SPAG16: variants seen among roughly 807,000 people sequenced by gnomAD.
SPAG16 encodes the protein sperm associated antigen 16.
A neutral mutation model predicts 80.4 loss-of-function variants in SPAG16; 86 were observed. That is an observed-to-expected ratio of 1.07 (90% CI 0.90 to 1.28). SPAG16 has a LOEUF of 1.28. Among genes scored for constraint, SPAG16 ranks in the 50% most tolerant of loss-of-function variants. The pLI, the probability that SPAG16 is intolerant of heterozygous loss-of-function variation, is 0.00. For synonymous variants in SPAG16, 294 were observed against 265.9 expected (o/e 1.11, Z -1.03); for missense variants, 870 against 765.3 (o/e 1.14, Z -1.61).
chr2:214,233,347 G>C (rs1688839367), intron 15 of SPAG16, among the ~76,000 whole-genome samples: 1 of 134,068 alleles, frequency 7.5e-6, no homozygotes, highest in Admixed American at 7.1e-5. Flanking sequence ...AGATAATAAT[G>C]ATGATGATGA....
intron 9 of SPAG16, among the ~76,000 whole-genome samples, chr2:213,415,523 G>T (rs188054547): frequency 2.6e-5 from 4 of 152,324 alleles, no homozygotes; most frequent in Admixed American, 1.3e-4. Flanking sequence ...GCACAGGTTG[G>T]CTAAGAAAGT....
chr2:213,826,008 A>G (rs535393504), intron 10 of SPAG16, among the ~76,000 whole-genome samples: 2 of 151,738 alleles, frequency 1.3e-5, no homozygotes, highest in African/African-American at 2.4e-5. Context: ...CTAGGAACTT[A>G]TCCATTTCTT....
At chr2:213,349,890 C>G (rs962400558) in intron 6 of SPAG16, among the ~76,000 whole-genome samples, 11 of 152,122 alleles carry the variant, frequency 7.2e-5, no homozygotes, top group Non-Finnish European at 8.8e-5. Flanking sequence ...ATGTATACTA[C>G]TTGGGTGTGC....
chr2:214,273,110 A>G (rs539480232), intron 15 of SPAG16, among the ~76,000 whole-genome samples: 2 of 152,270 alleles, frequency 1.3e-5, no homozygotes, highest in East Asian at 1.9e-4. Flanking sequence ...GTGTTTGTTC[A>G]TATCCTTTGC....
At chr2:214,284,846 T>C (rs1328458874) in intron 15 of SPAG16, among the ~76,000 whole-genome samples, 4 of 152,016 alleles carry the variant, frequency 2.6e-5, no homozygotes, top group Admixed American at 6.6e-5. Context: ...TATGTATTTG[T>C]GTGTAACCAC....
intron 13 of SPAG16, among the ~76,000 whole-genome samples, chr2:214,022,636 G>A (rs74354521): frequency 0.053 from 8,105 of 151,874 alleles, 333 homozygotes; most frequent in Non-Finnish European, 0.074. Context: ...CACAATGGTT[G>A]GATAATAGGT....
At chr2:213,998,083 C>T (rs1428326469) in intron 12 of SPAG16, among the ~76,000 whole-genome samples, 1 of 152,124 alleles carries the variant, frequency 6.6e-6, no homozygotes, top group Non-Finnish European at 1.5e-5. Flanking sequence ...AATTATTGTG[C>T]CCTTTTTGTT....
chr2:213,829,516 GT>G (rs1294817511), intron 10 of SPAG16, among the ~76,000 whole-genome samples: 9 of 152,194 alleles, frequency 5.9e-5, no homozygotes, highest in African/African-American at 2.2e-4. Flanking sequence ...AGTACCTAAG[GT>G]GTAAGTCAAA....
At chr2:214,250,788 A>AGAGAGAGAGT (rs1358000959) in intron 15 of SPAG16, among the ~76,000 whole-genome samples, 1 of 144,278 alleles carries the variant, frequency 6.9e-6, no homozygotes, top group South Asian at 2.1e-4. Context: ...AGAGAGAGAG[A>AGAGAGAGAGT]GTCAAACTTT....
intron 15 of SPAG16, among the ~76,000 whole-genome samples, chr2:214,286,663 C>T (rs1281702307): frequency 6.6e-6 from 1 of 152,202 alleles, no homozygotes; most frequent in Non-Finnish European, 1.5e-5. Flanking sequence ...ACAAGAATCA[C>T]TTGAACCCAA....
chr2:213,929,937 T>C lies in SPAG16; in HGVS notation c.1215-23T>C, dbSNP rs755186401. On this transcript the variant is annotated intron_variant, in intron 11 of 15. Transcript: ENST00000331683. The stretch of plus-strand genomic sequence containing the variant: ...ATTATGTTACTTTTTAAACAAGCTG[T>C]CTTTTTATGTTTTTGCAAATAGTGG... 3 of 1,594,748 alleles carry C rather than the reference T, an allele frequency of 1.9e-6. No homozygotes were observed. The Admixed American group carries it at 5.3e-5, about 28-fold the overall frequency.
chr2:213,808,876 C>T (rs1263928552), intron 10 of SPAG16, among the ~76,000 whole-genome samples: 1 of 152,096 alleles, frequency 6.6e-6, no homozygotes, highest in African/African-American at 2.4e-5. Flanking sequence ...TGGCTCTTGT[C>T]AGGCCCCATG....
chr2:213,836,727 T>C (rs2074107251), intron 10 of SPAG16, among the ~76,000 whole-genome samples: 1 of 152,162 alleles, frequency 6.6e-6, no homozygotes, highest in Non-Finnish European at 1.5e-5. Flanking sequence ...TTCTCCTGCC[T>C]CAGCACCCAC....
chr2:213,806,318 G>T (rs2071766911), intron 10 of SPAG16, among the ~76,000 whole-genome samples: 1 of 152,160 alleles, frequency 6.6e-6, no homozygotes. Flanking sequence ...TCTGCCACCA[G>T]ATGGCAGAAG....
chr2:213,477,819 G>C (rs1362882897), intron 9 of SPAG16, among the ~76,000 whole-genome samples: 2 of 152,124 alleles, frequency 1.3e-5, no homozygotes, highest in Non-Finnish European at 2.9e-5. Flanking sequence ...AGGTATCATT[G>C]GTTTTGAAAT....
chr2:213,869,283 A>G (rs200322773), intron 11 of SPAG16, among the ~76,000 whole-genome samples: 1 of 29,300 alleles, frequency 3.4e-5, no homozygotes, highest in Non-Finnish European at 1.4e-4. Context: ...ATATATATGT[A>G]TATATATATG....
At chr2:214,400,542 T>C (rs1701646951) in intron 15 of SPAG16, among the ~76,000 whole-genome samples, 1 of 152,020 alleles carries the variant, frequency 6.6e-6, no homozygotes, top group Non-Finnish European at 1.5e-5. Flanking sequence ...TAGAAGGGAC[T>C]TGAGCATCTG....
chr2:214,247,552 T>G (rs1169155267), intron 15 of SPAG16, among the ~76,000 whole-genome samples: 1 of 152,198 alleles, frequency 6.6e-6, no homozygotes, highest in Non-Finnish European at 1.5e-5. Context: ...AAGCTAATCA[T>G]ACAAAGTATG....
At chr2:213,909,836 A>G (rs2077586398) in intron 11 of SPAG16, among the ~76,000 whole-genome samples, 1 of 152,216 alleles carries the variant, frequency 6.6e-6, no homozygotes, top group Non-Finnish European at 1.5e-5. Flanking sequence ...ACCCTCATAC[A>G]GCCAGAAGTG....
Sources: gnomAD v4.1 joint callset for allele counts (sites outside exome capture counted in the v4.1 genomes callset) on GRCh38, gnomAD v4.1.1 for gene constraint, MANE v1.5 for transcripts, NCBI Gene and HGNC (gene_info 2026-07-23, HGNC 2026-07-21) for gene names.